The following IMMP2L variants were observed in gnomAD, a reference collection of about 807,000 sequenced individuals.
The protein encoded by IMMP2L is mitochondrial inner membrane protease subunit 2.
A neutral mutation model predicts 19.3 loss-of-function variants in IMMP2L; 18 were observed. The ratio of observed to expected loss-of-function variants is 0.93; its 90% confidence interval spans 0.64 to 1.38. The LOEUF (loss-of-function observed/expected upper bound fraction) is 1.38. IMMP2L is among the 40% of genes most tolerant of loss of function. The pLI, the probability that IMMP2L is intolerant of heterozygous loss-of-function variation, is 0.00. For synonymous variants in IMMP2L, 76 were observed against 73.0 expected (o/e 1.04, Z -0.21); for missense variants, 233 against 218.2 (o/e 1.07, Z -0.43).
intron 1 of IMMP2L, among the ~76,000 whole-genome samples, chr7:111,524,351 T>C (rs1306392987): frequency 6.6e-6 from 1 of 151,854 alleles, no homozygotes; most frequent in Non-Finnish European, 1.5e-5. Context: ...GGAAAAAAAA[T>C]AGTTACTACG....
chr7:111,214,311 A>C (rs1811649575), intron 3 of IMMP2L, among the ~76,000 whole-genome samples: 1 of 144,332 alleles, frequency 6.9e-6, no homozygotes, highest in African/African-American at 2.5e-5. Context: ...CAGTGAATGA[A>C]TGACAAAGTA....
At position 111,435,841 on chromosome 7, in the gene IMMP2L, C is replaced by A. The variant is rs868212722; in HGVS notation, c.239+51397G>T. On this transcript the variant is annotated intron_variant, in intron 3 of 5. Transcript: ENST00000405709. ...CACCCCGGGCAACAGTTCTTCCAGA[C>A]CCTTCAGTGTTTTGGGGGCATCCCT... is the stretch of plus-strand genomic sequence containing the variant. Among the ~76,000 whole-genome samples the A allele has an allele frequency of 3.4e-4, 51 of 151,804 alleles. 1 individual carries two copies. The highest frequency in any genetic ancestry group is 4.4e-5 in the Non-Finnish European group (3 of 68,004).
At chr7:110,949,587 A>C (rs1294526771) in intron 4 of IMMP2L, among the ~76,000 whole-genome samples, 1 of 152,144 alleles carries the variant, frequency 6.6e-6, no homozygotes, top group Non-Finnish European at 1.5e-5. Context: ...TTTTATTGGG[A>C]ATTTATTTAT....
chr7:111,470,471 C>G (rs1411090994), intron 3 of IMMP2L, among the ~76,000 whole-genome samples: 1 of 151,772 alleles, frequency 6.6e-6, no homozygotes, highest in African/African-American at 2.4e-5. Flanking sequence ...TTGGAACCAA[C>G]CCAAATGTCC....
chr7:110,925,153 T>C (rs1436607774), intron 4 of IMMP2L, among the ~76,000 whole-genome samples: 1 of 152,174 alleles, frequency 6.6e-6, no homozygotes, highest in African/African-American at 2.4e-5. Flanking sequence ...TATTTTTCTA[T>C]ATGGATATAG....
intron 3 of IMMP2L, among the ~76,000 whole-genome samples, chr7:111,299,365 G>C (rs1025877963): frequency 3.9e-5 from 6 of 152,068 alleles, no homozygotes. Flanking sequence ...TCACTAAATA[G>C]CTGTTAATCT....
chr7:110,993,103 T>C (rs769518385), intron 3 of IMMP2L, among the ~76,000 whole-genome samples: 14 of 151,900 alleles, frequency 9.2e-5, no homozygotes, highest in Admixed American at 8.5e-4. Context: ...GAGAAAGAGG[T>C]AGTACTACAT....
intron 3 of IMMP2L, among the ~76,000 whole-genome samples, chr7:111,472,046 C>A (rs1243790895): frequency 6.6e-6 from 1 of 151,754 alleles, no homozygotes; most frequent in East Asian, 1.9e-4. Context: ...GTACCACATT[C>A]AATAAAATGA....
chr7:111,547,661 T>C (rs1849059455), intron 1 of IMMP2L, among the ~76,000 whole-genome samples: 1 of 151,882 alleles, frequency 6.6e-6, no homozygotes, highest in Non-Finnish European at 1.5e-5. Flanking sequence ...GCTCAAGAGA[T>C]TCCCCTGTCT....
intron 3 of IMMP2L, among the ~76,000 whole-genome samples, chr7:111,058,106 A>T (rs913126585): frequency 4.6e-5 from 7 of 152,176 alleles, no homozygotes; most frequent in African/African-American, 1.7e-4. Flanking sequence ...TAATGCCTTA[A>T]ATTTCCACAA....
chr7:110,737,387 G>A (rs538822506), intron 5 of IMMP2L, among the ~76,000 whole-genome samples: 5 of 152,294 alleles, frequency 3.3e-5, no homozygotes, highest in African/African-American at 1.2e-4. Context: ...TGGGAGCAGG[G>A]TGAGGCCTGT....
chr7:110,732,993 T>A (rs1796372187), intron 5 of IMMP2L, among the ~76,000 whole-genome samples: 1 of 151,974 alleles, frequency 6.6e-6, no homozygotes, highest in African/African-American at 2.4e-5. Flanking sequence ...TCACTATGAT[T>A]CCCAGGCTGA....
At chr7:111,227,251 T>C (rs1222779394) in intron 3 of IMMP2L, among the ~76,000 whole-genome samples, 1 of 152,060 alleles carries the variant, frequency 6.6e-6, no homozygotes, top group Non-Finnish European at 1.5e-5. Flanking sequence ...TCTCACACTA[T>C]TCTGCATTCT....
chr7:111,415,939 TATC>T (rs557540810), intron 3 of IMMP2L, among the ~76,000 whole-genome samples: 88 of 151,830 alleles, frequency 5.8e-4, no homozygotes, highest in Middle Eastern at 3.4e-3. Context: ...AAATAAAACA[TATC>T]ATGAGTCCTA....
chr7:111,301,132 T>C (rs1431755565), intron 3 of IMMP2L, among the ~76,000 whole-genome samples: 1 of 152,142 alleles, frequency 6.6e-6, no homozygotes, highest in Non-Finnish European at 1.5e-5. Context: ...CTTATTTTAG[T>C]CATTCTGATA....
chr7:111,239,995 AAAGT>A (rs1343160410), intron 3 of IMMP2L, among the ~76,000 whole-genome samples: 1 of 151,990 alleles, frequency 6.6e-6, no homozygotes, highest in Non-Finnish European at 1.5e-5. Flanking sequence ...AATAGATGCT[AAAGT>A]AATAATTTGG....
chr7:110,951,281 A>G (rs1817809816), intron 4 of IMMP2L, among the ~76,000 whole-genome samples: 1 of 152,072 alleles, frequency 6.6e-6, no homozygotes, highest in Non-Finnish European at 1.5e-5. Flanking sequence ...AAGTATTGAA[A>G]TCACAATAAA....
At chr7:110,837,774 T>C (rs1804648599) in intron 5 of IMMP2L, among the ~76,000 whole-genome samples, 1 of 152,176 alleles carries the variant, frequency 6.6e-6, no homozygotes, top group Non-Finnish European at 1.5e-5. Flanking sequence ...TAATGTTTAC[T>C]GAAAGTGTAT....
intron 5 of IMMP2L, among the ~76,000 whole-genome samples, chr7:110,754,916 CA>C (rs1369814384): frequency 6.6e-6 from 1 of 150,668 alleles, no homozygotes; most frequent in Non-Finnish European, 1.5e-5. Context: ...TTTTTTTTTT[CA>C]AATATTACAT....
Sources: allele counts gnomAD v4.1 joint callset (sites outside exome capture counted in the v4.1 genomes callset), GRCh38; gene constraint gnomAD v4.1.1; transcripts MANE v1.5; gene names NCBI Gene and HGNC (gene_info 2026-07-23, HGNC 2026-07-21).